IL1RAPL1: variants seen among roughly 807,000 people sequenced by gnomAD.
IL1RAPL1 encodes the protein interleukin 1 receptor accessory protein like 1.
IL1RAPL1 carries 3 observed loss-of-function variants against 48.4 expected under a neutral mutation model. The ratio of observed to expected loss-of-function variants is 0.06; its 90% CI spans 0.03 to 0.16. The LOEUF (loss-of-function observed/expected upper bound fraction) is 0.16. Ranked by LOEUF, IL1RAPL1 falls within the 10% of genes least tolerant of loss-of-function variation. The pLI, the probability that IL1RAPL1 is intolerant of heterozygous loss-of-function variation, is 1.00. For missense variants in IL1RAPL1, 349 were observed against 530.6 expected (o/e 0.66, Z 3.36); for synonymous variants, 185 against 187.7 (o/e 0.99, Z 0.12).
intron 6 of IL1RAPL1, among the ~76,000 whole-genome samples, chrX:29,726,117 G>T (rs1487824662): frequency 1.8e-5 from 2 of 112,191 alleles, no homozygotes; most frequent in South Asian, 3.7e-4. Flanking sequence ...GGTTTTGTAT[G>T]ATTCTTCTCT....
intron 2 of IL1RAPL1, among the ~76,000 whole-genome samples, chrX:28,878,880 TA>T (rs1346011464): frequency 2.7e-5 from 3 of 111,559 alleles, no homozygotes; most frequent in Non-Finnish European, 5.6e-5. Flanking sequence ...ATCTCAACCC[TA>T]TGTGGTATGA....
intron 5 of IL1RAPL1, among the ~76,000 whole-genome samples, chrX:29,408,180 T>C (rs989269637): frequency 4.5e-5 from 5 of 111,203 alleles, no homozygotes; most frequent in African/African-American, 1.6e-4. Context: ...ATACCAACTA[T>C]GTAGACAAAA....
At chrX:28,893,159 G>T (rs1441203554) in intron 2 of IL1RAPL1, among the ~76,000 whole-genome samples, 1 of 111,283 alleles carries the variant, frequency 9.0e-6, no homozygotes, top group Non-Finnish European at 1.9e-5. Flanking sequence ...TTGGTCTGGT[G>T]TCTGGAATGA....
intron 2 of IL1RAPL1, among the ~76,000 whole-genome samples, chrX:28,831,955 ATTC>A (rs1191922975): frequency 3.6e-5 from 4 of 111,239 alleles, no homozygotes; most frequent in African/African-American, 9.8e-5. Flanking sequence ...TGAAGTACTT[ATTC>A]TTTTTTATTA....
intron 2 of IL1RAPL1, among the ~76,000 whole-genome samples, chrX:29,207,255 T>C (rs751876567): frequency 8.9e-6 from 1 of 112,040 alleles, no homozygotes; most frequent in Non-Finnish European, 1.9e-5. Flanking sequence ...TCATCAAAGA[T>C]AAAGTAAAAT....
chrX:29,232,598 C>T lies in IL1RAPL1; in HGVS notation c.83-50340C>T, dbSNP rs1015299873. On this transcript the variant is annotated intron_variant, in intron 2 of 10. Coordinates refer to ENST00000378993, the MANE Select transcript of IL1RAPL1 (RefSeq NM_014271.4). ...AATCATCTGACAGTCATCTCTCAGA[C>T]GAGCATCCTCCTGATTGCCTAACAT... is the stretch of plus-strand genomic sequence containing the variant. Among the ~76,000 whole-genome samples the T allele has an allele frequency of 6.3e-5, 7 of 111,290 alleles. No homozygotes were observed. In the South Asian group the frequency reaches 2.3e-3, roughly 36 times the overall value.
intron 2 of IL1RAPL1, among the ~76,000 whole-genome samples, chrX:29,205,827 C>G (rs961489558): frequency 9.1e-6 from 1 of 109,722 alleles, no homozygotes; most frequent in African/African-American, 3.3e-5. Context: ...CTCTGCCACC[C>G]GGGTTCAAGC....
At chrX:29,046,610 TATGACAGAGTCAGATAAGCTAGCC>T (rs1254061933) in intron 2 of IL1RAPL1, among the ~76,000 whole-genome samples, 2 of 111,689 alleles carry the variant, frequency 1.8e-5, no homozygotes, top group African/African-American at 3.3e-5. Flanking sequence ...ATTCATACAT[TATGACAGAGTCAGATAAGCTAGCC>T]ATCCTGCCCC....
intron 6 of IL1RAPL1, among the ~76,000 whole-genome samples, chrX:29,815,930 T>C (rs774994364): frequency 1.8e-4 from 20 of 111,474 alleles, no homozygotes; most frequent in Admixed American, 3.8e-4. Flanking sequence ...CAAGCTTGCA[T>C]TCCAGAAATA....
chrX:29,365,297 T>C (rs1465012759), intron 3 of IL1RAPL1, among the ~76,000 whole-genome samples: 1 of 111,881 alleles, frequency 8.9e-6, no homozygotes, highest in African/African-American at 3.3e-5. Flanking sequence ...TTTGTGAATA[T>C]GGAAGTGGTA....
At chrX:28,871,438 C>A (rs778147154) in intron 2 of IL1RAPL1, among the ~76,000 whole-genome samples, 1 of 111,749 alleles carries the variant, frequency 8.9e-6, no homozygotes, top group Non-Finnish European at 1.9e-5. Flanking sequence ...TTTTTTGACC[C>A]TGTTAAATTT....
intron 1 of IL1RAPL1, among the ~76,000 whole-genome samples, chrX:28,694,383 T>C (rs1569153157): frequency 8.9e-6 from 1 of 112,244 alleles, no homozygotes; most frequent in Non-Finnish European, 1.9e-5. Context: ...CCACTGGAAA[T>C]TGACTTAACA....
At chrX:28,768,822 GTGTATATA>G (rs1230982336) in intron 1 of IL1RAPL1, among the ~76,000 whole-genome samples, 34 of 52,776 alleles carry the variant, frequency 6.4e-4, no homozygotes, top group African/African-American at 2.3e-3. Flanking sequence ...TAATGTGTGT[GTGTATATA>G]TATATATATA....
chrX:29,100,550 T>C (rs1433394718), intron 2 of IL1RAPL1, among the ~76,000 whole-genome samples: 1 of 112,105 alleles, frequency 8.9e-6, no homozygotes, highest in East Asian at 2.8e-4. Flanking sequence ...GTTTACATAC[T>C]AAGTTATATT....
intron 2 of IL1RAPL1, among the ~76,000 whole-genome samples, chrX:28,796,718 G>C (rs1936615920): frequency 9.0e-6 from 1 of 111,022 alleles, no homozygotes. Flanking sequence ...GAGTGTCTGT[G>C]GCTTTTCCAG....
At chrX:28,666,312 G>A (rs1333272650) in intron 1 of IL1RAPL1, among the ~76,000 whole-genome samples, 1 of 111,786 alleles carries the variant, frequency 8.9e-6, no homozygotes, top group African/African-American at 3.3e-5. Flanking sequence ...TTTGTGGATT[G>A]AGCTAATAAA....
intron 5 of IL1RAPL1, among the ~76,000 whole-genome samples, chrX:29,653,021 C>T (rs764225407): frequency 2.7e-5 from 3 of 111,881 alleles, no homozygotes; most frequent in Non-Finnish European, 3.8e-5. Flanking sequence ...TTGCTTTGGG[C>T]TGGCATAGAT....
chrX:29,763,395 C>T (rs1328300956), intron 6 of IL1RAPL1, among the ~76,000 whole-genome samples: 1 of 111,126 alleles, frequency 9.0e-6, no homozygotes, highest in Non-Finnish European at 1.9e-5. Flanking sequence ...GAAACTAATT[C>T]GTATATAATG....
intron 9 of IL1RAPL1, among the ~76,000 whole-genome samples, chrX:29,942,396 T>C (rs758588038): frequency 3.6e-5 from 4 of 112,094 alleles, no homozygotes; most frequent in African/African-American, 1.3e-4. Flanking sequence ...CAAATAAATA[T>C]TGTTTTGTGG....
Sources: allele counts gnomAD v4.1 joint callset (sites outside exome capture counted in the v4.1 genomes callset), GRCh38; gene constraint gnomAD v4.1.1; transcripts MANE v1.5; gene names NCBI Gene and HGNC (gene_info 2026-07-23, HGNC 2026-07-21).